Variants in SLC9A9 observed in about 807,000 individuals in gnomAD.
The protein encoded by SLC9A9 is sodium/hydrogen exchanger 9.
Under a neutral mutation model 77.8 loss-of-function variants are expected in SLC9A9, and 62 were observed. The ratio of observed to expected loss-of-function variants is 0.80; its 90% CI spans 0.65 to 0.98. SLC9A9 has a LOEUF of 0.98. Among genes scored for constraint, SLC9A9 ranks in the 50% least tolerant of loss-of-function variants. The pLI is 0.00. For missense variants in SLC9A9, 775 were observed against 774.9 expected, an observed-to-expected ratio of 1.00 and a Z score of 0.00; for synonymous variants, 320 against 283.5, an observed-to-expected ratio of 1.13 and a Z score of -1.29.
At chr3:143,809,189 C>T (rs566582715) in intron 2 of SLC9A9, among the ~76,000 whole-genome samples, 2 of 152,198 alleles carry the variant, frequency 1.3e-5, no homozygotes, top group Non-Finnish European at 2.9e-5. Flanking sequence ...GTGGTACAAC[C>T]TCCTGGACAG....
chr3:143,449,821 TACA>T lies in SLC9A9; in HGVS notation c.1469+17213_1469+17215del, dbSNP rs1269935010. On this transcript the variant is annotated intron_variant, in intron 12 of 15. Coordinates refer to ENST00000316549, the MANE Select transcript of SLC9A9 (RefSeq NM_173653.4). ...TATTTTATATATATAATTATATATT[TACA>T]TATATAATTATATGTATTATATATA... Among the ~76,000 whole-genome samples, 31 of 68,976 alleles carry T rather than the reference TACA, an allele frequency of 4.5e-4. 1 individual carries two copies. In the East Asian group the frequency reaches 5.9e-3, roughly 13 times the overall value. The allele number at this position is 68,976 out of a possible 152,430, so 45.3% of individuals were successfully genotyped here.
chr3:143,687,474 C>T (rs1312415213), intron 5 of SLC9A9, among the ~76,000 whole-genome samples: 1 of 152,016 alleles, frequency 6.6e-6, no homozygotes, highest in Non-Finnish European at 1.5e-5. Context: ...AATTAGTTCC[C>T]AGTAAAAGAA....
intron 4 of SLC9A9, among the ~76,000 whole-genome samples, chr3:143,784,282 A>AT (rs2007975674): frequency 6.6e-6 from 1 of 152,118 alleles, no homozygotes; most frequent in Non-Finnish European, 1.5e-5. Flanking sequence ...AGGTTTATGT[A>AT]TTTTCCCACA....
At chr3:143,332,367 C>T (rs78528748) in intron 14 of SLC9A9, among the ~76,000 whole-genome samples, 4,284 of 152,214 alleles carry the variant, frequency 0.028, 77 homozygotes, top group South Asian at 0.039. Flanking sequence ...TGGTTACAGG[C>T]AAAGGAAGCA....
chr3:143,615,884 C>CTTT (rs71140444), intron 6 of SLC9A9, among the ~76,000 whole-genome samples: 5 of 141,486 alleles, frequency 3.5e-5, no homozygotes, highest in South Asian at 2.3e-4. Flanking sequence ...CTTTAAATTT[C>CTTT]TTTTTTTTTT....
chr3:143,831,948 T>A (rs2009445902), intron 2 of SLC9A9, 71 bp downstream of exon 2: 8 of 1,401,836 alleles, frequency 5.7e-6, no homozygotes, highest in Non-Finnish European at 7.9e-6. Flanking sequence ...ATATAAAAAG[T>A]ATAAAGGCTC....
chr3:143,695,342 C>T (rs981448035), intron 4 of SLC9A9, among the ~76,000 whole-genome samples: 3 of 152,060 alleles, frequency 2.0e-5, no homozygotes, highest in Non-Finnish European at 4.4e-5. Flanking sequence ...CCTAGTCCCC[C>T]ACACCACAAC....
At chr3:143,321,862 G>A (rs1471140805) in intron 14 of SLC9A9, among the ~76,000 whole-genome samples, 2 of 152,132 alleles carry the variant, frequency 1.3e-5, no homozygotes, top group African/African-American at 2.4e-5. Flanking sequence ...AGACCCTTTG[G>A]GAGTCTGAGG....
chr3:143,624,672 A>C (rs2038285905), intron 6 of SLC9A9, among the ~76,000 whole-genome samples: 1 of 152,232 alleles, frequency 6.6e-6, no homozygotes, highest in African/African-American at 2.4e-5. Context: ...CTGAATCGGC[A>C]AAAACTGGAA....
At chr3:143,448,290 G>A (rs959037940) in intron 12 of SLC9A9, among the ~76,000 whole-genome samples, 5 of 152,116 alleles carry the variant, frequency 3.3e-5, no homozygotes, top group African/African-American at 1.2e-4. Context: ...ACAACTAGAT[G>A]AGCATTGAGG....
chr3:143,283,276 A>G lies in SLC9A9; in HGVS notation c.1605-14296T>C, dbSNP rs534589031. 8.5e-5 allele frequency among the ~76,000 whole-genome samples: 13 copies of G among 152,322 alleles called. No individual in the cohort carries two copies. In the South Asian group the frequency reaches 2.7e-3, roughly 32 times the overall value. On this transcript the variant is annotated intron_variant, in intron 14 of 15. Coordinates refer to ENST00000316549, the MANE Select transcript of SLC9A9 (RefSeq NM_173653.4). ...GGAAATGGCACAAGACGGTGGCCTT[A>G]GGGACAGGGGTGTAGGAGACGGGTG...
intron 4 of SLC9A9, among the ~76,000 whole-genome samples, chr3:143,777,410 G>T (rs2108844386): frequency 6.6e-6 from 1 of 152,222 alleles, no homozygotes; most frequent in Non-Finnish European, 1.5e-5. Context: ...AGAAAAAAAT[G>T]CCATTCCTTA....
chr3:143,662,277 G>A (rs770607635), intron 5 of SLC9A9, among the ~76,000 whole-genome samples: 4 of 152,180 alleles, frequency 2.6e-5, no homozygotes, highest in South Asian at 2.1e-4. Flanking sequence ...AATAATATAC[G>A]AATGAAGAAG....
At chr3:143,626,131 G>C (rs1160497965) in intron 6 of SLC9A9, among the ~76,000 whole-genome samples, 1 of 152,198 alleles carries the variant, frequency 6.6e-6, no homozygotes, top group African/African-American at 2.4e-5. Context: ...TGCTGGAGAG[G>C]ATGTGGAGAA....
chr3:143,537,239 TA>T (rs2036604708), intron 9 of SLC9A9, among the ~76,000 whole-genome samples: 1 of 152,180 alleles, frequency 6.6e-6, no homozygotes, highest in Admixed American at 6.5e-5. Flanking sequence ...CCAGACTAAA[TA>T]AATTAGAAAT....
At chr3:143,297,848 T>C (rs1443194150) in intron 14 of SLC9A9, among the ~76,000 whole-genome samples, 5 of 152,236 alleles carry the variant, frequency 3.3e-5, no homozygotes, top group Non-Finnish European at 5.9e-5. Context: ...GAATTCCTTC[T>C]TGACTTTAAG....
intron 9 of SLC9A9, among the ~76,000 whole-genome samples, chr3:143,526,000 G>A (rs2036398096): frequency 6.6e-6 from 1 of 152,136 alleles, no homozygotes; most frequent in Admixed American, 6.5e-5. Context: ...TTGCCTTTAG[G>A]CAACAGAATT....
chr3:143,718,735 G>A (rs920418712), intron 4 of SLC9A9, among the ~76,000 whole-genome samples: 3 of 152,194 alleles, frequency 2.0e-5, no homozygotes, highest in South Asian at 4.1e-4. Flanking sequence ...GCAGTATCTC[G>A]TGTATTGAAC....
chr3:143,825,268 C>G (rs1371780895), intron 2 of SLC9A9, among the ~76,000 whole-genome samples: 1 of 152,126 alleles, frequency 6.6e-6, no homozygotes, highest in Non-Finnish European at 1.5e-5. Flanking sequence ...ATTCCTGTTA[C>G]AGGAAGAGGT....
Sources: allele counts gnomAD v4.1 joint callset (sites outside exome capture counted in the v4.1 genomes callset), GRCh38; gene constraint gnomAD v4.1.1; transcripts MANE v1.5; gene names NCBI Gene and HGNC (gene_info 2026-07-23, HGNC 2026-07-21).